Variants in PTP4A3 observed in about 807,000 individuals in gnomAD.
PTP4A3 encodes the protein protein tyrosine phosphatase 4A3, also known as protein tyrosine phosphatase type IVA 3.
In PTP4A3, 9 loss-of-function variants were observed where a neutral mutation model predicts 15.2. The ratio of observed to expected loss-of-function variants is 0.59; its 90% CI spans 0.36 to 1.03. The LOEUF (loss-of-function observed/expected upper bound fraction) is 1.03, where lower values mean the gene tolerates loss of function less well. Ranked by LOEUF, PTP4A3 falls within the 50% of genes least tolerant of loss-of-function variation. The probability of loss-of-function intolerance (pLI) is 0.02; values close to 1 mark genes in which losing one functional copy is unlikely to be tolerated. For synonymous variants in PTP4A3, 95 were observed against 102.0 expected (o/e 0.93, Z 0.41); for missense variants, 234 against 252.1 (o/e 0.93, Z 0.49).
At chr8:141,418,929 T>A (rs1427969526) in intron 1 of PTP4A3, among the ~76,000 whole-genome samples, 1 of 152,110 alleles carries the variant, frequency 6.6e-6, no homozygotes, top group Non-Finnish European at 1.5e-5. Context: ...CAGAGCCACA[T>A]AGTGGTGCCA....
chr8:141,425,348 G>A lies in PTP4A3; in HGVS notation c.198+208G>A, dbSNP rs1215087488. Among the ~76,000 whole-genome samples the A allele has an allele frequency of 2.6e-5, 4 of 152,084 alleles. No individual in the cohort carries two copies. The highest frequency in any genetic ancestry group is 5.9e-5 in the Non-Finnish European group (4 of 67,982). ...TCAAGAAAGTCACCCTTGCGCACCC[G>A]TCTTTCTGTCTCTAGGGTGGGCCAG... is the stretch of plus-strand genomic sequence containing the variant. On this transcript the variant is annotated intron_variant, in intron 3 of 5. Coordinates refer to ENST00000521578, the MANE Select transcript of PTP4A3 (RefSeq NM_032611.3). This position sits in a 1 kb window ranked among gnomAD's most constrained non-coding sequence, Gnocchi z 4.2.
rs917034410 is a variant in PTP4A3 at position 141,421,969 on chromosome 8, G to T, written c.-272G>T. On this transcript the variant is annotated 5_prime_UTR_variant, in exon 2 of 6. Coordinates refer to ENST00000521578, the MANE Select transcript of PTP4A3 (RefSeq NM_032611.3). ...CCCGCTTTACTTTGGTTGGGTTGGG[G>T]GGGGCGGCGGGCTGTTTTGTTCCTT... is the stretch of plus-strand genomic sequence containing the variant. 13 of 433,138 alleles carry T rather than the reference G, an allele frequency of 3.0e-5. No individual in the cohort carries two copies. The highest frequency in any genetic ancestry group is 4.1e-5 in the African/African-American group (2 of 48,466). The allele number at this position is 433,138 out of a possible 1,614,324, so 26.8% of individuals were successfully genotyped here.
At chr8:141,422,899 C>T (rs985570027) in intron 2 of PTP4A3, among the ~76,000 whole-genome samples, 4 of 152,204 alleles carry the variant, frequency 2.6e-5, no homozygotes, top group East Asian at 1.9e-4. Context: ...GCAGATGGGA[C>T]GAGATGCGTT....
chr8:141,424,831 G>A (rs947426108), intron 2 of PTP4A3, among the ~76,000 whole-genome samples: 5 of 152,126 alleles, frequency 3.3e-5, no homozygotes, highest in Non-Finnish European at 5.9e-5. Context: ...CTGGCTGGAG[G>A]GTGACATGCC....
intron 1 of PTP4A3, among the ~76,000 whole-genome samples, chr8:141,418,339 G>C (rs1833152282): frequency 6.6e-6 from 1 of 152,232 alleles, no homozygotes; most frequent in South Asian, 2.1e-4. Flanking sequence ...CTGTGCCATC[G>C]GGAAGGAGGG....
intron 1 of PTP4A3, among the ~76,000 whole-genome samples, chr8:141,414,685 G>A (rs1586550154): frequency 6.6e-6 from 1 of 151,832 alleles, no homozygotes; most frequent in Non-Finnish European, 1.5e-5. Flanking sequence ...TGCCTAGGCA[G>A]GGGGTGGTGA....
chr8:141,431,140 G>C lies in PTP4A3; in HGVS notation c.*96G>C. 1 of 1,209,210 alleles carries C rather than the reference G, an allele frequency of 8.3e-7. No individual in the cohort carries two copies. Among genetic ancestry groups the C allele is most frequent in the Non-Finnish European group, 1.2e-6 (1 of 833,948 alleles). 74.9% of individuals were successfully genotyped at this position (1,209,210 alleles called of 1,614,324 possible). On this transcript the variant is annotated 3_prime_UTR_variant, in exon 6 of 6. Coordinates refer to ENST00000521578, the MANE Select transcript of PTP4A3 (RefSeq NM_032611.3). ...CCCTGCTCTGCCCAGCCCAGCAGGG[G>C]CTCCAGGCCTTGGCTGGCCCCACAT...
intron 2 of PTP4A3, among the ~76,000 whole-genome samples, 172 bp from the exon 3 acceptor site, chr8:141,424,876 C>A (rs1447945621): frequency 1.3e-5 from 2 of 152,024 alleles, no homozygotes; most frequent in African/African-American, 4.8e-5. Context: ...TGACCCTGCC[C>A]CAGGGGACTG....
intron 5 of PTP4A3, among the ~76,000 whole-genome samples, chr8:141,428,797 C>T (rs535008260): frequency 2.4e-4 from 35 of 144,542 alleles, no homozygotes; most frequent in African/African-American, 4.5e-4. Context: ...CCCAGGCATA[C>T]GCAGGCACAC....
At chr8:141,412,333 A>G (rs1215840080) in intron 1 of PTP4A3, among the ~76,000 whole-genome samples, 1 of 151,852 alleles carries the variant, frequency 6.6e-6, no homozygotes, top group Non-Finnish European at 1.5e-5. Context: ...CCAGCTCCCC[A>G]CCTCCCAAGT....
chr8:141,425,196 C>CGGGGGGGGGGGGGGGGGG lies in PTP4A3; in HGVS notation c.198+62_198+63insGGGGGGGGGGGGGGGGGG, dbSNP rs1833512823. 7.7e-5 allele frequency: 28 copies of CGGGGGGGGGGGGGGGGGG among 361,406 alleles called. No homozygotes were observed. Among genetic ancestry groups the CGGGGGGGGGGGGGGGGGG allele is most frequent in the East Asian group, 1.3e-4 (2 of 14,868 alleles). The allele number at this position is 361,406 out of a possible 1,614,324, so 22.4% of individuals were successfully genotyped here. On this transcript the variant is annotated intron_variant, in intron 3 of 5. Coordinates refer to ENST00000521578, the MANE Select transcript of PTP4A3 (RefSeq NM_032611.3). The surrounding 1 kb of genome is among the most constrained non-coding windows in gnomAD (Gnocchi z 4.2). ...CTGCTGCCACCGGGGGAGGGTGGGG[C>CGGGGGGGGGGGGGGGGGG]GGGGGGCTCCGGGCCTGCGCAGAGG... is the stretch of plus-strand genomic sequence containing the variant.
At position 141,426,813 on chromosome 8, in the gene PTP4A3, C is replaced by T. The variant is rs7841561; in HGVS notation, c.199-126C>T. 4,142 of 1,445,682 alleles carry T rather than the reference C, an allele frequency of 2.9e-3. 111 individuals are homozygous for T. The African/African-American group carries it at 0.053, about 18-fold the overall frequency. The allele number at this position is 1,445,682 out of a possible 1,614,324, so 89.6% of individuals were successfully genotyped here. A position where few individuals can be genotyped will look rare whatever the true frequency, so the allele number is the denominator to read the frequency against. On this transcript the variant is annotated intron_variant, in intron 3 of 5. Coordinates refer to ENST00000521578, the MANE Select transcript of PTP4A3 (RefSeq NM_032611.3). ...CCCTCCTGTGTGCCCTCTGGGTCTG[C>T]TGCCCCCACCCTAGTGGGCTCCTGG...
chr8:141,392,486 G>GT (rs951357247), intron 1 of PTP4A3: 1 of 152,416 alleles, frequency 6.6e-6, no homozygotes, highest in African/African-American at 2.4e-5. Flanking sequence ...CAGCTGCACA[G>GT]TTTGGGGGGC....
chr8:141,426,866 C>G, intron 3 of PTP4A3, 73 bp from the exon 4 acceptor site: 1 of 1,549,370 alleles, frequency 6.5e-7, no homozygotes, highest in East Asian at 2.3e-5. Context: ...AGCTCCCTTT[C>G]CTCGCCTGAG....
chr8:141,422,244 G>C lies in PTP4A3; in HGVS notation c.4G>C (p.Ala2Pro). Residue 2 changes from alanine (A) to proline (P), a missense_variant, in exon 2 of 6, where the codon GCT becomes CCT. Coordinates refer to ENST00000521578, the MANE Select transcript of PTP4A3 (RefSeq NM_032611.3). Reference sequence around the variant, plus strand: ...GCCGGGCCCGTCGGGAGGCGCCATGGCTCGGATGAACCGCCCGGCCCCGGT... The same window carrying C: ...GCCGGGCCCGTCGGGAGGCGCCATGCCTCGGATGAACCGCCCGGCCCCGGT... The part of the protein sequence containing the change: M[A>P]RMNRPAPVEV... 6.2e-7 allele frequency: 1 copy of C among 1,613,000 alleles called. No homozygotes were observed. Among genetic ancestry groups the C allele is most frequent in the Non-Finnish European group, 8.5e-7 (1 of 1,179,988 alleles).
chr8:141,416,781 C>A (rs759946354), intron 1 of PTP4A3, among the ~76,000 whole-genome samples: 1 of 151,360 alleles, frequency 6.6e-6, no homozygotes, highest in Middle Eastern at 3.2e-3. Flanking sequence ...TGGGAGGAGG[C>A]GAGGGTTGCC....
In PTP4A3 at chr8:141,431,476, A is replaced by G. The variant is rs1833874717; in HGVS notation, c.*432A>G. 6.1e-6 allele frequency: 1 copy of G among 163,872 alleles called. No homozygotes were observed. Among genetic ancestry groups the G allele is most frequent in the African/African-American group, 2.4e-5 (1 of 41,712 alleles). 10.2% of individuals were successfully genotyped at this position (163,872 alleles called of 1,614,324 possible). A position where few individuals can be genotyped will look rare whatever the true frequency, so the allele number is the denominator to read the frequency against. ...ACCTTAAATTATTAGACCCCGGGGCAGTCAGGTGCTCCGGACACCCGAAGG... is the reference window on the plus strand; with the variant it reads ...ACCTTAAATTATTAGACCCCGGGGCGGTCAGGTGCTCCGGACACCCGAAGG... On this transcript the variant is annotated 3_prime_UTR_variant, in exon 6 of 6. Transcript: ENST00000521578.
chr8:141,394,881 C>T (rs933286104), intron 1 of PTP4A3, among the ~76,000 whole-genome samples: 14 of 152,220 alleles, frequency 9.2e-5, no homozygotes, highest in Non-Finnish European at 1.5e-4. Context: ...GGGTTGGCAT[C>T]GCCGCCGCCT....
intron 3 of PTP4A3, chr8:141,426,560 C>G: frequency 1.0e-6 from 1 of 985,418 alleles, no homozygotes; most frequent in Non-Finnish European, 1.2e-6. Flanking sequence ...CGACCCAAAA[C>G]CTCTCAGGCT....
Sources: gnomAD v4.1 joint callset for allele counts (sites outside exome capture counted in the v4.1 genomes callset) on GRCh38, gnomAD v4.1.1 for gene constraint, Gnocchi (gnomAD v3.1) non-coding constraint, MANE v1.5 for transcripts, NCBI Gene and HGNC (gene_info 2026-07-23, HGNC 2026-07-21) for gene names.